The following DNMT1 variants were observed in gnomAD, a reference collection of about 807,000 sequenced individuals.
DNMT1 encodes DNA (cytosine-5)-methyltransferase 1.
Under a neutral mutation model 205.3 loss-of-function variants are expected in DNMT1, and 24 were observed. That is an observed-to-expected ratio of 0.12 (90% CI 0.08 to 0.16). The LOEUF (loss-of-function observed/expected upper bound fraction) is 0.16, where lower values mean the gene tolerates loss of function less well. Among genes scored for constraint, DNMT1 ranks in the 10% least tolerant of loss-of-function variants. The probability of loss-of-function intolerance (pLI) is 1.00; values close to 1 mark genes in which losing one functional copy is unlikely to be tolerated. For synonymous variants in DNMT1, 817 were observed against 839.8 expected (o/e 0.97, Z 0.47); for missense variants, 1,293 against 2,177.7 (o/e 0.59, Z 8.09).
chr19:10,187,314 C>G (rs929247492), intron 1 of DNMT1, among the ~76,000 whole-genome samples: 5 of 152,018 alleles, frequency 3.3e-5, no homozygotes, highest in African/African-American at 1.2e-4. Context: ...TGAAATACAG[C>G]AGACCATGGC....
chr19:10,171,408 G>A (rs535407595), intron 9 of DNMT1, among the ~76,000 whole-genome samples: 7 of 152,104 alleles, frequency 4.6e-5, no homozygotes, highest in South Asian at 2.1e-4. Flanking sequence ...GTGGTGGCTC[G>A]TGCCTGTAAT....
At chr19:10,184,530 T>C (rs536864061) in intron 1 of DNMT1, 3 of 152,184 alleles carry the variant, frequency 2.0e-5, no homozygotes, top group Non-Finnish European at 4.4e-5. Context: ...CAATAGCCGG[T>C]GCAGTGCCGC....
intron 29 of DNMT1, 148 bp from the exon 30 acceptor site, chr19:10,142,368 G>C: frequency 9.5e-7 from 1 of 1,053,278 alleles, no homozygotes; most frequent in Non-Finnish European, 1.4e-6. Flanking sequence ...CCCTCAGTTA[G>C]GGAACTGCAG....
In DNMT1 at chr19:10,136,202, G is replaced by A. The variant is rs1599339937; in HGVS notation, c.4575C>T (p.His1525=). ...CLPHTGNRHN[H]WAGLYGRLEW... The stretch of plus-strand genomic sequence containing the variant: ...CGAGCCTTCCATAGAGGCCAGCCCA[G>A]TGGTTGTGCCGGTTCCCGGTGTGGG... Residue 1525 remains histidine, a synonymous_variant, in exon 38 of 41, where the codon CAC becomes CAT. Coordinates refer to ENST00000359526, the MANE Select transcript of DNMT1 (RefSeq NM_001130823.3). 1.2e-6 allele frequency: 2 copies of A among 1,614,170 alleles called. No individual in the cohort carries two copies. Among genetic ancestry groups the A allele is most frequent in the East Asian group, 2.2e-5 (1 of 44,880 alleles).
intron 37 of DNMT1, among the ~76,000 whole-genome samples, chr19:10,136,881 T>C (rs966198993): frequency 6.6e-6 from 1 of 151,764 alleles, no homozygotes; most frequent in Non-Finnish European, 1.5e-5. Flanking sequence ...CCCGCCTTGG[T>C]TTCCCAAAGT....
At chr19:10,162,803 GC>G in intron 12 of DNMT1, 55 bp from the exon 13 acceptor site, 2 of 1,580,240 alleles carry the variant, frequency 1.3e-6, no homozygotes, top group East Asian at 2.2e-5. Flanking sequence ...TAACCACATC[GC>G]CAACTCGCAC....
At chr19:10,189,932 C>G (rs75730152) in intron 1 of DNMT1, among the ~76,000 whole-genome samples, 6 of 152,036 alleles carry the variant, frequency 3.9e-5, no homozygotes, top group Non-Finnish European at 7.4e-5. Context: ...ACACCCCTGT[C>G]GAGCAGGCAG....
At chr19:10,177,222 C>A in intron 6 of DNMT1, 70 bp downstream of exon 6, 3 of 1,394,596 alleles carry the variant, frequency 2.2e-6, no homozygotes, top group Non-Finnish European at 2.0e-6. Context: ...TGCCACGTGA[C>A]GCCCTACCAA....
chr19:10,163,190 C>G, intron 12 of DNMT1, 136 bp downstream of exon 12: 1 of 964,046 alleles, frequency 1.0e-6, no homozygotes. Flanking sequence ...TGGTCTCGAA[C>G]TCCTGACCTC....
intron 1 of DNMT1, among the ~76,000 whole-genome samples, chr19:10,182,465 G>GTATA: frequency 8.3e-6 from 1 of 121,146 alleles, no homozygotes; most frequent in African/African-American, 3.0e-5. Flanking sequence ...ATATATATGT[G>GTATA]TGTATATATA....
intron 14 of DNMT1, 79 bp from the exon 15 acceptor site, chr19:10,160,142 G>C: frequency 1.2e-6 from 2 of 1,600,222 alleles, no homozygotes; most frequent in Non-Finnish European, 1.7e-6. Flanking sequence ...TGAGGTTTCT[G>C]CCTGAGGTGC....
In DNMT1 at chr19:10,190,833, C is replaced by T. The variant is rs897199182; in HGVS notation, c.80+3987G>A. On this transcript the variant is annotated intron_variant, in intron 1 of 40. Transcript: ENST00000359526. ...AATAAAATAAAATAAAAACAATGAACCGGCTGGACACCATCATACCTGTAA... is the reference window on the plus strand; with the variant it reads ...AATAAAATAAAATAAAAACAATGAATCGGCTGGACACCATCATACCTGTAA... Among the ~76,000 whole-genome samples the T allele has an allele frequency of 4.0e-5, 6 of 150,550 alleles. No individual in the cohort carries two copies. In the South Asian group the frequency reaches 1.3e-3, roughly 32 times the overall value.
intron 28 of DNMT1, chr19:10,144,436 C>G (rs10407514): frequency 0.12 from 31,276 of 250,436 alleles, 3,170 homozygotes; most frequent in East Asian, 0.42. Flanking sequence ...GATTTAGCTG[C>G]AGATTTAGTC....
In DNMT1 at chr19:10,180,525, C is replaced by T; in HGVS notation, c.270G>A (p.Leu90=). 1 of 1,614,132 alleles carries T rather than the reference C, an allele frequency of 6.2e-7. No individual in the cohort carries two copies. The highest frequency in any genetic ancestry group is 8.5e-7 in the Non-Finnish European group (1 of 1,180,038). The change falls in exon 4 of 41, where the codon TTG becomes TTA. Residue 90 remains leucine (L), a synonymous_variant. Coordinates refer to ENST00000359526, the MANE Select transcript of DNMT1 (RefSeq NM_001130823.3). ...AAGCATGAGCACCGTTCTCCAAGGACAAATCTTTATTTAAAAGGGATTTGA... is the reference window on the plus strand; with the variant it reads ...AAGCATGAGCACCGTTCTCCAAGGATAAATCTTTATTTAAAAGGGATTTGA... ...AKVKSLLNKD[L]SLENGAHAYN...
chr19:10,162,916 GCCCCAGGGT>G (rs2038605542), intron 12 of DNMT1, 168 bp from the exon 13 acceptor site: 1 of 701,132 alleles, frequency 1.4e-6, no homozygotes, highest in Non-Finnish European at 2.5e-6. Flanking sequence ...GCCTTCAGAG[GCCCCAGGGT>G]CCCCACACAT....
At chr19:10,173,040 C>T (rs2038853406) in intron 9 of DNMT1, 50 bp downstream of exon 9, 2 of 1,606,792 alleles carry the variant, frequency 1.2e-6, no homozygotes, top group African/African-American at 2.7e-5. Flanking sequence ...AAATTGGGAC[C>T]ATATAGGATT....
rs2089506958 is a variant in DNMT1, at chr19:10,137,364, T to C, written c.4294-84A>G. On this transcript the variant is annotated intron_variant, in intron 36 of 40. Transcript: ENST00000359526. The surrounding 1 kb of genome is among the most constrained non-coding windows in gnomAD (Gnocchi z 6.4). ...GGTGGGCTGGGAGCTGGGAACACCA[T>C]GGTGACCAGGAAGCCCCCTGGGGCT... The C allele has an allele frequency of 1.3e-6, 2 of 1,504,604 alleles. No individual in the cohort carries two copies. Among genetic ancestry groups the C allele is most frequent in the Non-Finnish European group, 1.8e-6 (2 of 1,115,892 alleles). The allele number at this position is 1,504,604 out of a possible 1,614,324, so 93.2% of individuals were successfully genotyped here. A position where few individuals can be genotyped will look rare whatever the true frequency, so the allele number is the denominator to read the frequency against.
Position 10,180,544 on chromosome 19 carries a change from G to A in DNMT1, c.251C>T (p.Ser84Phe). 6.2e-7 allele frequency: 1 copy of A among 1,614,128 alleles called. No homozygotes were observed. Among genetic ancestry groups the A allele is most frequent in the Non-Finnish European group, 8.5e-7 (1 of 1,180,024 alleles). The change falls in exon 4 of 41, where the codon TCC (serine) becomes TTC (phenylalanine). Residue 84 changes from serine (S) to phenylalanine (F), a missense_variant. Transcript: ENST00000359526. ...CAAGGACAAATCTTTATTTAAAAGG[G>A]ATTTGACTTTAGCCAGGTAGCCCTC... The part of the protein sequence containing the change: ...SEEGYLAKVK[S>F]LLNKDLSLEN...
chr19:10,178,311 C>T (rs1447348525), intron 5 of DNMT1, among the ~76,000 whole-genome samples: 2 of 151,810 alleles, frequency 1.3e-5, no homozygotes, highest in African/African-American at 4.8e-5. Flanking sequence ...AATCTCAGCA[C>T]TTTGGGAGGC....
Sources: allele counts gnomAD v4.1 joint callset (sites outside exome capture counted in the v4.1 genomes callset), GRCh38; gene constraint gnomAD v4.1.1; non-coding constraint Gnocchi (gnomAD v3.1); transcripts MANE v1.5; gene names NCBI Gene and HGNC (gene_info 2026-07-23, HGNC 2026-07-21).